The following CLCN4 variants were observed in gnomAD, a reference collection of about 807,000 sequenced individuals.
CLCN4 encodes the protein Cl-/H+ antiporter 4.
Under a neutral mutation model 41.7 loss-of-function variants are expected in CLCN4, and 1 was observed. The observed-to-expected ratio is 0.02, with a 90% CI of 0.01 to 0.11. The LOEUF (loss-of-function observed/expected upper bound fraction) is 0.11, where lower values mean the gene tolerates loss of function less well. Ranked by LOEUF, CLCN4 falls within the 10% of genes least tolerant of loss-of-function variation. CLCN4 has a pLI of 1.00. For missense variants in CLCN4, 287 were observed against 661.0 expected (o/e 0.43, Z 6.20); for synonymous variants, 277 against 285.8 (o/e 0.97, Z 0.31).
At chrX:10,203,951 A>G (rs192502246) in intron 6 of CLCN4, among the ~76,000 whole-genome samples, 2 of 111,923 alleles carry the variant, frequency 1.8e-5, no homozygotes, top group African/African-American at 6.5e-5. Flanking sequence ...AAAACCAGAA[A>G]TTGACCACAG....
intron 6 of CLCN4, among the ~76,000 whole-genome samples, chrX:10,202,738 A>C (rs1924273716): frequency 9.3e-6 from 1 of 107,702 alleles, no homozygotes; most frequent in Non-Finnish European, 1.9e-5. Flanking sequence ...TCCTCTTTCT[A>C]CTTGCTTCCT....
intron 2 of CLCN4, among the ~76,000 whole-genome samples, chrX:10,161,109 C>T (rs1923083597): frequency 1.0e-5 from 1 of 100,066 alleles, no homozygotes; most frequent in African/African-American, 3.7e-5. Context: ...GTTCCCTTTC[C>T]GTTGCCATCA....
chrX:10,231,047 T>C (rs1391494333), intron 12 of CLCN4, among the ~76,000 whole-genome samples: 1 of 112,080 alleles, frequency 8.9e-6, no homozygotes, highest in Admixed American at 9.5e-5. Context: ...ATCTTTTTAC[T>C]GTCTCCATAG....
At chrX:10,227,935 CT>C (rs911844727) in intron 12 of CLCN4, among the ~76,000 whole-genome samples, 1 of 110,175 alleles carries the variant, frequency 9.1e-6, no homozygotes, top group Non-Finnish European at 1.9e-5. Flanking sequence ...CCCTTTTTTT[CT>C]TTTTTTTAAA....
At chrX:10,220,543 G>C (rs1480253349) in intron 11 of CLCN4, 118 bp from the exon 12 acceptor site, 8 of 559,054 alleles carry the variant, frequency 1.4e-5, no homozygotes, top group African/African-American at 1.4e-4. Context: ...AGAATGTGTG[G>C]TTCATCCTCC....
chrX:10,202,023 A>G (rs537687065), intron 6 of CLCN4, among the ~76,000 whole-genome samples: 2 of 111,727 alleles, frequency 1.8e-5, no homozygotes, highest in South Asian at 7.4e-4. Context: ...TATTTTATGT[A>G]ATAAATGCTC....
rs1925268387 is a variant in CLCN4, at chrX:10,236,946, T to C, written c.*3362T>C. On this transcript the variant is annotated 3_prime_UTR_variant, in exon 13 of 13. Transcript: ENST00000380833. Reference sequence around the variant, plus strand: ...AAGTGACATGTGTGTTTCTTCTAAGTCGTTTTTAGTGCATCCCCTGCGATT... The same window carrying C: ...AAGTGACATGTGTGTTTCTTCTAAGCCGTTTTTAGTGCATCCCCTGCGATT... The C allele has an allele frequency of 8.9e-6, 1 of 112,062 alleles. No homozygotes were observed. Among genetic ancestry groups the C allele is most frequent in the South Asian group, 3.7e-4 (1 of 2,688 alleles). The allele number at this position is 112,062 out of a possible 1,213,427, so 9.2% of individuals were successfully genotyped here. A position where few individuals can be genotyped will look rare whatever the true frequency, so the allele number is the denominator to read the frequency against.
chrX:10,185,389 G>T (rs1923784500), intron 3 of CLCN4, among the ~76,000 whole-genome samples: 1 of 111,864 alleles, frequency 8.9e-6, no homozygotes, highest in African/African-American at 3.3e-5. Context: ...GGATTGTGGT[G>T]TGGAGGAGAG....
intron 2 of CLCN4, among the ~76,000 whole-genome samples, chrX:10,161,288 G>A (rs1192579882): frequency 9.0e-6 from 1 of 110,673 alleles, no homozygotes; most frequent in African/African-American, 3.3e-5. Context: ...GAGAGCAGCT[G>A]GCTCCATCCA....
At position 10,185,044 on chromosome X, in the gene CLCN4, G is replaced by A. The variant is rs746113982; in HGVS notation, c.12G>A (p.Ala4=). ...CAGGTGTAATTAGCATGGTCAATGC[G>A]GGAGCGATGAGTGGCTCTGGAAACC... MVN[A]GAMSGSGNLM... is the part of the protein sequence containing the mutation. Residue 4 remains alanine (A), a synonymous_variant, in exon 3 of 13, where the codon GCG becomes GCA. Transcript: ENST00000380833. 3 of 1,205,846 alleles carry A rather than the reference G, an allele frequency of 2.5e-6. No individual in the cohort carries two copies. Among genetic ancestry groups the A allele is most frequent in the Admixed American group, 4.4e-5 (2 of 45,420 alleles).
At chrX:10,203,274 C>T (rs866689188) in intron 6 of CLCN4, among the ~76,000 whole-genome samples, 2 of 111,161 alleles carry the variant, frequency 1.8e-5, no homozygotes, top group Non-Finnish European at 3.8e-5. Flanking sequence ...TTGTGGCAGG[C>T]GTAATAAAAC....
chrX:10,182,355 T>A (rs746260750), intron 2 of CLCN4, among the ~76,000 whole-genome samples: 1 of 112,966 alleles, frequency 8.9e-6, no homozygotes, highest in South Asian at 3.6e-4. Flanking sequence ...GTTGGCTGCA[T>A]GGTTGGATGG....
intron 9 of CLCN4, among the ~76,000 whole-genome samples, chrX:10,210,985 G>A (rs1924530775): frequency 2.0e-5 from 2 of 101,165 alleles, no homozygotes; most frequent in Admixed American, 1.1e-4. Flanking sequence ...AAATTTAATG[G>A]TCGGGCATGG....
intron 2 of CLCN4, among the ~76,000 whole-genome samples, chrX:10,163,814 G>T (rs1048846522): frequency 8.9e-6 from 1 of 112,185 alleles, no homozygotes; most frequent in African/African-American, 3.2e-5. Context: ...TCATTTTTAT[G>T]GGGGGCTGTT....
chrX:10,208,670 G>A lies in CLCN4; in HGVS notation c.1389+80G>A, dbSNP rs147764844. 4.4e-3 allele frequency: 4,253 copies of A among 959,492 alleles called. 102 individuals are homozygous for A. The African/African-American group carries it at 0.072, about 16-fold the overall frequency. The allele number at this position is 959,492 out of a possible 1,213,427, so 79.1% of individuals were successfully genotyped here. ...ACCCTACTCTCTAAAATAAAATTGC[G>A]GTGGGAAAAAAAGGGGAACTGGCCT... On this transcript the variant is annotated intron_variant, in intron 9 of 12. Transcript: ENST00000380833.
chrX:10,214,361 G>C (rs927955845), intron 11 of CLCN4, among the ~76,000 whole-genome samples: 1 of 112,890 alleles, frequency 8.9e-6, no homozygotes, highest in African/African-American at 3.2e-5. Context: ...CCAAGTCTTG[G>C]GTAGACATTC....
chrX:10,205,839 G>A (rs1460735522), intron 6 of CLCN4, among the ~76,000 whole-genome samples: 4 of 107,659 alleles, frequency 3.7e-5, no homozygotes, highest in Non-Finnish European at 5.8e-5. Flanking sequence ...GGCTGGTTTT[G>A]AACTCCTGGG....
chrX:10,157,394 C>T (rs2239938), intron 1 of CLCN4, among the ~76,000 whole-genome samples: 28,703 of 111,382 alleles, frequency 0.26, 2,991 homozygotes, highest in African/African-American at 0.38. Context: ...TTCATGTCTC[C>T]TTCAGGGCTG....
intron 11 of CLCN4, among the ~76,000 whole-genome samples, chrX:10,218,179 C>T (rs1451386878): frequency 8.9e-6 from 1 of 112,008 alleles, no homozygotes; most frequent in East Asian, 2.8e-4. Context: ...AAGTTTATTA[C>T]ATTTTTTCAA....
Sources: gnomAD v4.1 joint callset for allele counts (sites outside exome capture counted in the v4.1 genomes callset) on GRCh38, gnomAD v4.1.1 for gene constraint, MANE v1.5 for transcripts, NCBI Gene and HGNC (gene_info 2026-07-23, HGNC 2026-07-21) for gene names.